CFTR: variants seen among roughly 807,000 people sequenced by gnomAD.
CFTR encodes the protein CF transmembrane conductance regulator, also known as cystic fibrosis transmembrane conductance regulator.
Under a neutral mutation model 171.6 loss-of-function variants are expected in CFTR, and 181 were observed. That is an observed-to-expected ratio of 1.05 (90% CI 0.93 to 1.19). The LOEUF is 1.19. Ranked by LOEUF, CFTR falls within the 50% of genes most tolerant of loss-of-function variation. CFTR has a pLI of 0.00. For synonymous variants in CFTR, 583 were observed against 608.0 expected, an observed-to-expected ratio of 0.96 and a Z score of 0.60; for missense variants, 1,968 against 1,734.7, an observed-to-expected ratio of 1.13 and a Z score of -2.39.
chr7:117,540,945 A>G (rs1241774466), intron 8 of CFTR, among the ~76,000 whole-genome samples: 16 of 152,180 alleles, frequency 1.1e-4, no homozygotes, highest in Non-Finnish European at 1.5e-4. Context: ...TCTCACACAC[A>G]CACACACATA....
chr7:117,513,244 G>T (rs145716408), intron 3 of CFTR, among the ~76,000 whole-genome samples: 2 of 152,010 alleles, frequency 1.3e-5, no homozygotes, highest in East Asian at 3.9e-4. Context: ...AGAAAGAATG[G>T]GGGTTTGGAT....
At chr7:117,548,000 G>A (rs780915534) in intron 9 of CFTR, among the ~76,000 whole-genome samples, 1 of 152,166 alleles carries the variant, frequency 6.6e-6, no homozygotes, top group Non-Finnish European at 1.5e-5. Flanking sequence ...TTCCCACGGG[G>A]GCAATAGTGA....
rs397508286 is a variant in CFTR at position 117,590,403 on chromosome 7, A to G, written c.1730A>G (p.Tyr577Cys). 6.2e-7 allele frequency: 1 copy of G among 1,603,396 alleles called. No homozygotes were observed. Among genetic ancestry groups the G allele is most frequent in the Non-Finnish European group, 8.5e-7 (1 of 1,172,392 alleles). ...TATTTATTAGACTCTCCTTTTGGAT[A>G]CCTAGATGTTTTAACAGAAAAAGAA... ...DLYLLDSPFGYLDVLTEKEIF... is the reference protein window; with the variant it reads ...DLYLLDSPFGCLDVLTEKEIF... Residue 577 changes from tyrosine (Y) to cysteine (C), a missense_variant, in exon 13 of 27, where the codon TAC (tyrosine) becomes TGC (cysteine). Physicochemically the swap from Tyr to Cys is radical, Grantham distance 194. Transcript: ENST00000003084.
At chr7:117,661,047 G>T (rs1191172651) in intron 24 of CFTR, among the ~76,000 whole-genome samples, 1 of 152,064 alleles carries the variant, frequency 6.6e-6, no homozygotes, top group Non-Finnish European at 1.5e-5. Context: ...ACATGTGATT[G>T]GTAACAATAA....
chr7:117,641,103 G>C (rs1792904446), intron 22 of CFTR, among the ~76,000 whole-genome samples: 1 of 152,156 alleles, frequency 6.6e-6, no homozygotes, highest in Admixed American at 6.5e-5. Flanking sequence ...TTTCTCAGTT[G>C]TCTGAGAACA....
At chr7:117,491,916 T>C (rs1226417865) in intron 1 of CFTR, among the ~76,000 whole-genome samples, 1 of 152,082 alleles carries the variant, frequency 6.6e-6, no homozygotes, top group Admixed American at 6.6e-5. Context: ...ATAAAGTATA[T>C]ACATGTAGGG....
At chr7:117,502,577 C>A (rs1446950582) in intron 1 of CFTR, among the ~76,000 whole-genome samples, 1 of 152,064 alleles carries the variant, frequency 6.6e-6, no homozygotes, top group African/African-American at 2.4e-5. Flanking sequence ...TTCGACTTTC[C>A]TTCTGTTCTT....
rs771812900 is a variant in CFTR at position 117,642,503 on chromosome 7, G to C, written c.3783G>C (p.Leu1261=). 2 of 1,613,648 alleles carry C rather than the reference G, an allele frequency of 1.2e-6. No individual in the cohort carries two copies. The highest frequency in any genetic ancestry group is 1.7e-6 in the Non-Finnish European group (2 of 1,179,750). ...TGTTATCAGCTTTTTTGAGACTACT[G>C]AACACTGAAGGAGAAATCCAGATCG... ...STLLSAFLRL[L]NTEGEIQIDG... is the part of the protein sequence containing the mutation. Residue 1261 remains leucine, a synonymous_variant, in exon 23 of 27, where the codon CTG becomes CTC. Transcript: ENST00000003084.
At chr7:117,488,892 C>A (rs1157583874) in intron 1 of CFTR, among the ~76,000 whole-genome samples, 1 of 151,944 alleles carries the variant, frequency 6.6e-6, no homozygotes, top group Non-Finnish European at 1.5e-5. Flanking sequence ...AGCCACAAGG[C>A]CCAGGAATAA....
At chr7:117,584,189 A>G (rs958954573) in intron 11 of CFTR, among the ~76,000 whole-genome samples, 1 of 151,780 alleles carries the variant, frequency 6.6e-6, no homozygotes, top group African/African-American at 2.4e-5. Context: ...TTTCCCATCT[A>G]TTTATTTTTG....
At chr7:117,648,122 TTACC>T (rs1040834425) in intron 23 of CFTR, among the ~76,000 whole-genome samples, 1 of 149,916 alleles carries the variant, frequency 6.7e-6, no homozygotes, top group Non-Finnish European at 1.5e-5. Flanking sequence ...TACACATTAT[TTACC>T]TACCTACTGT....
At chr7:117,640,994 A>G (rs1314349838) in intron 22 of CFTR, among the ~76,000 whole-genome samples, 5 of 152,198 alleles carry the variant, frequency 3.3e-5, no homozygotes, top group Admixed American at 3.3e-4. Flanking sequence ...TGGTACAAAC[A>G]AAAGCAATAA....
intron 18 of CFTR, among the ~76,000 whole-genome samples, chr7:117,609,459 C>G (rs185889221): frequency 6.6e-6 from 1 of 152,178 alleles, no homozygotes; most frequent in East Asian, 1.9e-4. Flanking sequence ...TTAATCCTTT[C>G]TGCAGACAGT....
chr7:117,481,457 G>T (rs918272986), intron 1 of CFTR, among the ~76,000 whole-genome samples: 2 of 152,126 alleles, frequency 1.3e-5, no homozygotes, highest in Non-Finnish European at 2.9e-5. Flanking sequence ...TTCATGGATA[G>T]TTCTAAATAC....
intron 22 of CFTR, among the ~76,000 whole-genome samples, chr7:117,636,071 A>C (rs1792823965): frequency 6.6e-6 from 1 of 151,948 alleles, no homozygotes; most frequent in South Asian, 2.1e-4. Context: ...AATTTTCCCC[A>C]ATTTTTGTTT....
chr7:117,588,409 T>C (rs1791978028), intron 12 of CFTR, among the ~76,000 whole-genome samples: 1 of 152,098 alleles, frequency 6.6e-6, no homozygotes, highest in African/African-American at 2.4e-5. Context: ...GATGTAAATA[T>C]AGATAATGTA....
intron 24 of CFTR, among the ~76,000 whole-genome samples, chr7:117,653,950 A>G (rs1445047136): frequency 6.6e-6 from 1 of 152,206 alleles, no homozygotes; most frequent in Non-Finnish European, 1.5e-5. Flanking sequence ...GTCCCATTTC[A>G]AAAAAGAGAA....
intron 7 of CFTR, among the ~76,000 whole-genome samples, chr7:117,537,123 C>T (rs911961203): frequency 6.6e-6 from 1 of 152,088 alleles, no homozygotes; most frequent in Non-Finnish European, 1.5e-5. Flanking sequence ...AATATGTTTG[C>T]TCTTCCTTAA....
At chr7:117,577,515 G>A (rs1473125179) in intron 11 of CFTR, among the ~76,000 whole-genome samples, 1 of 152,032 alleles carries the variant, frequency 6.6e-6, no homozygotes, top group Non-Finnish European at 1.5e-5. Flanking sequence ...GCAGTCATGG[G>A]ATATATGATA....
Sources: allele counts gnomAD v4.1 joint callset (sites outside exome capture counted in the v4.1 genomes callset), GRCh38; gene constraint gnomAD v4.1.1; transcripts MANE v1.5; gene names NCBI Gene and HGNC (gene_info 2026-07-23, HGNC 2026-07-21).